Variants in SLC2A13 observed in about 807,000 individuals in gnomAD.
The protein encoded by SLC2A13 is proton myo-inositol cotransporter.
In SLC2A13, 32 loss-of-function variants were observed where a neutral mutation model predicts 64.4. The observed-to-expected ratio is 0.50, with a 90% CI of 0.37 to 0.67. The LOEUF is 0.67. Among genes scored for constraint, SLC2A13 ranks in the 30% least tolerant of loss-of-function variants. The pLI is 0.00. For synonymous variants in SLC2A13, 338 were observed against 327.1 expected (o/e 1.03, Z -0.36); for missense variants, 743 against 829.2 (o/e 0.90, Z 1.28).
chr12:39,986,702 A>AG (rs1947038243), intron 3 of SLC2A13, among the ~76,000 whole-genome samples: 1 of 151,762 alleles, frequency 6.6e-6, no homozygotes, highest in African/African-American at 2.4e-5. Context: ...TAGCAGACAA[A>AG]AAAAAAAAGA....
In SLC2A13 at chr12:40,028,376, C is replaced by T. The variant is rs1555154443; in HGVS notation, c.850G>A (p.Gly284Ser). 6.2e-7 allele frequency: 1 copy of T among 1,613,810 alleles called. No individual in the cohort carries two copies. Among genetic ancestry groups the T allele is most frequent in the Middle Eastern group, 1.6e-4 (1 of 6,062 alleles). ...KARRILSQMRGNQTIDEEYDS... is the reference protein window; with the variant it reads ...KARRILSQMRSNQTIDEEYDS... ...TATTCCTCATCAATGGTCTGGTTACCACGCATCTGAGATAAAATTCTACGG... is the reference window on the plus strand; with the variant it reads ...TATTCCTCATCAATGGTCTGGTTACTACGCATCTGAGATAAAATTCTACGG... Residue 284 changes from glycine to serine, a missense_variant, in exon 3 of 10, where the codon GGT (glycine) becomes AGT (serine). Gly to Ser is a moderately conservative substitution (Grantham distance 56). This residue lies in a region of SLC2A13 where 448 missense variants were observed against 447.4 expected (regional missense o/e 1.00). Coordinates refer to ENST00000280871, the MANE Select transcript of SLC2A13 (RefSeq NM_052885.4).
rs1471468439 is a variant in SLC2A13, at chr12:40,105,793, T to C, written c.16A>G (p.Ser6Gly). Residue 6 changes from serine to glycine, a missense_variant, in exon 1 of 10, where the codon AGC becomes GGC. Ser to Gly is a moderately conservative substitution (Grantham distance 56, BLOSUM62 0). Transcript: ENST00000280871. The surrounding 1 kb of genome is among the most constrained non-coding windows in gnomAD (Gnocchi z 4.2). MSRKA[S>G]ENVEYTLRSL... is the part of the protein sequence containing the mutation. Reference sequence around the variant, plus strand: ...CGCAGCGTGTACTCCACATTCTCGCTTGCCTTGCGGGACATAGGGCAGGGG... The same window carrying C: ...CGCAGCGTGTACTCCACATTCTCGCCTGCCTTGCGGGACATAGGGCAGGGG... 122 of 1,484,032 alleles carry C rather than the reference T, an allele frequency of 8.2e-5. No individual in the cohort carries two copies. Among genetic ancestry groups the C allele is most frequent in the Middle Eastern group, 1.9e-4 (1 of 5,324 alleles). 91.9% of individuals were successfully genotyped at this position (1,484,032 alleles called of 1,614,324 possible).
chr12:39,765,185 T>C (rs1940302740), intron 7 of SLC2A13, among the ~76,000 whole-genome samples: 1 of 152,058 alleles, frequency 6.6e-6, no homozygotes, highest in Non-Finnish European at 1.5e-5. Context: ...GAAAAGACCA[T>C]GGCATTTGCA....
chr12:39,896,186 GTA>G (rs762551757), intron 4 of SLC2A13, among the ~76,000 whole-genome samples: 201 of 147,222 alleles, frequency 1.4e-3, no homozygotes, highest in African/African-American at 1.5e-3. Flanking sequence ...ATGTATATAT[GTA>G]TATATGTGTA....
rs529432891 is a variant in SLC2A13 at position 40,101,955 on chromosome 12, C to G, written c.556+3298G>C. ...GAGGTAATATGTGTAAAGTACTCCA[C>G]CAGGTCTCGAACATACTAAAGCACT... On this transcript the variant is annotated intron_variant, in intron 1 of 9. Transcript: ENST00000280871. Among the ~76,000 whole-genome samples, 17 of 151,490 alleles carry G rather than the reference C, an allele frequency of 1.1e-4. 2 individuals are homozygous for G. The highest frequency in any genetic ancestry group is 3.4e-3 in the Middle Eastern group (1 of 292).
chr12:39,972,099 T>TATAGAATTCATATTTATATATATATATAA lies in SLC2A13; in HGVS notation c.926-20735_926-20734insTTATATATATATATAAATATGAATTCTAT, dbSNP rs1360665378. Among the ~76,000 whole-genome samples, 38 of 1,554 alleles carry TATAGAATTCATATTTATATATATATATAA rather than the reference T, an allele frequency of 0.024. No individual in the cohort carries two copies. The South Asian group carries it at 0.32, about 13-fold the overall frequency. 1.0% of individuals were successfully genotyped at this position (1,554 alleles called of 152,430 possible). ...GAATTTATATTTATATATATATATA[T>TATAGAATTCATATTTATATATATATATAA]AAATTGATTTTGCTGCTTTACTTCT... is the stretch of plus-strand genomic sequence containing the variant. On this transcript the variant is annotated intron_variant, in intron 3 of 9. Transcript: ENST00000280871.
rs551748553 is a variant in SLC2A13 at position 39,990,550 on chromosome 12, A to G, written c.925+37751T>C. On this transcript the variant is annotated intron_variant, in intron 3 of 9. Transcript: ENST00000280871. The stretch of plus-strand genomic sequence containing the variant: ...ATAGTATCTCAGCACACACCAGGGA[A>G]GCACAAAATCTGGGGAATGGGTGCT... 2.0e-5 allele frequency among the ~76,000 whole-genome samples: 3 copies of G among 152,268 alleles called. No individual in the cohort carries two copies. The South Asian group carries it at 6.2e-4, about 32-fold the overall frequency.
At chr12:40,031,713 A>G (rs1947908465) in intron 2 of SLC2A13, among the ~76,000 whole-genome samples, 1 of 152,238 alleles carries the variant, frequency 6.6e-6, no homozygotes, top group Non-Finnish European at 1.5e-5. Context: ...AATTTTCAGC[A>G]GGTACAACTA....
intron 3 of SLC2A13, among the ~76,000 whole-genome samples, chr12:39,963,867 A>G (rs558824585): frequency 6.6e-6 from 1 of 152,336 alleles, no homozygotes; most frequent in South Asian, 2.1e-4. Context: ...ACCATGTATG[A>G]TTCATGCTAT....
chr12:39,870,677 C>G (rs1048660104), intron 5 of SLC2A13, among the ~76,000 whole-genome samples: 1 of 152,122 alleles, frequency 6.6e-6, no homozygotes, highest in African/African-American at 2.4e-5. Flanking sequence ...TGGCTGTTGG[C>G]AATCATGTTT....
At chr12:39,870,985 C>CTT (rs1944036306) in intron 5 of SLC2A13, among the ~76,000 whole-genome samples, 1 of 152,124 alleles carries the variant, frequency 6.6e-6, no homozygotes, top group Non-Finnish European at 1.5e-5. Context: ...TGGAAACTAT[C>CTT]TTTTAATGGA....
intron 6 of SLC2A13, among the ~76,000 whole-genome samples, chr12:39,844,167 A>G (rs1943248591): frequency 6.6e-6 from 1 of 152,076 alleles, no homozygotes; most frequent in Non-Finnish European, 1.5e-5. Context: ...TCCTTCCAAT[A>G]TAGTTAACTA....
At chr12:39,942,781 G>T (rs560557568) in intron 4 of SLC2A13, among the ~76,000 whole-genome samples, 1 of 152,260 alleles carries the variant, frequency 6.6e-6, no homozygotes, top group East Asian at 1.9e-4. Context: ...CTCATTCTCA[G>T]TCCAGTTTTG....
chr12:39,775,463 C>T (rs1430915903), intron 7 of SLC2A13, among the ~76,000 whole-genome samples: 1 of 152,220 alleles, frequency 6.6e-6, no homozygotes, highest in Non-Finnish European at 1.5e-5. Flanking sequence ...TAACAGGCTA[C>T]GGGCTCAGAG....
intron 6 of SLC2A13, among the ~76,000 whole-genome samples, chr12:39,838,114 G>A (rs1943069495): frequency 1.4e-5 from 2 of 147,360 alleles, no homozygotes; most frequent in Admixed American, 6.8e-5. Flanking sequence ...ATCATAGACT[G>A]GATTAAGAAA....
Position 40,105,672 on chromosome 12 carries a change from T to G in SLC2A13, c.137A>C (p.Glu46Ala). 1 of 1,491,260 alleles carries G rather than the reference T, an allele frequency of 6.7e-7. No homozygotes were observed. The highest frequency in any genetic ancestry group is 2.9e-5 in the East Asian group (1 of 34,180). The allele number at this position is 1,491,260 out of a possible 1,614,324, so 92.4% of individuals were successfully genotyped here. Residue 46 changes from glutamate (E) to alanine (A), a missense_variant, in exon 1 of 10, where the codon GAA (glutamate) becomes GCA (alanine). Transcript: ENST00000280871. The surrounding 1 kb of genome is among the most constrained non-coding windows in gnomAD (Gnocchi z 4.2). ...AGECSLLAAA[E>A]SSTSLQSAGA... ...CGCGCTCTGCAGGCTGGTGCTCGAT[T>G]CGGCGGCAGCCAGGAGGCTGCACTC... is the stretch of plus-strand genomic sequence containing the variant.
At chr12:39,875,568 G>A (rs966263329) in intron 4 of SLC2A13, among the ~76,000 whole-genome samples, 4 of 152,212 alleles carry the variant, frequency 2.6e-5, no homozygotes, top group South Asian at 2.1e-4. Flanking sequence ...CACAGTAAAC[G>A]TACTAATAAG....
At chr12:39,822,999 T>G (rs1282534784) in intron 7 of SLC2A13, among the ~76,000 whole-genome samples, 1 of 152,210 alleles carries the variant, frequency 6.6e-6, no homozygotes, top group Non-Finnish European at 1.5e-5. Context: ...GTCTGCAATA[T>G]AGTCACTAAA....
At chr12:39,920,997 C>T (rs1565542725) in intron 4 of SLC2A13, among the ~76,000 whole-genome samples, 2 of 152,030 alleles carry the variant, frequency 1.3e-5, no homozygotes, top group African/African-American at 4.8e-5. Context: ...ATTTGGCAAA[C>T]AGACAAAGAG....
Sources: gnomAD v4.1 joint callset for allele counts (sites outside exome capture counted in the v4.1 genomes callset) on GRCh38, gnomAD v4.1.1 for gene constraint, gnomAD v4.1.1 regional missense constraint, Gnocchi (gnomAD v3.1) non-coding constraint, MANE v1.5 for transcripts, NCBI Gene and HGNC (gene_info 2026-07-23, HGNC 2026-07-21) for gene names.